The following ATXN2L variants were observed in gnomAD, a reference collection of about 807,000 sequenced individuals.
The protein encoded by ATXN2L is ataxin-2-like protein.
ATXN2L carries 24 observed loss-of-function variants against 120.7 expected under a neutral mutation model. That is an observed-to-expected ratio of 0.20 (90% CI 0.14 to 0.28). The LOEUF is 0.28. Among genes scored for constraint, ATXN2L ranks in the 10% least tolerant of loss-of-function variants. The pLI is 1.00. For missense variants in ATXN2L, 1,312 were observed against 1,432.3 expected, an observed-to-expected ratio of 0.92 and a Z score of 1.36; for synonymous variants, 653 against 568.1, an observed-to-expected ratio of 1.15 and a Z score of -2.13.
intron 21 of ATXN2L, 28 bp downstream of exon 21, chr16:28,835,786 G>A: frequency 1.2e-6 from 2 of 1,613,380 alleles, no homozygotes; most frequent in Non-Finnish European, 1.7e-6. Context: ...CCACTTCTGG[G>A]TCTGTTTGCC....
chr16:28,829,891 T>C lies in ATXN2L; in HGVS notation c.867T>C (p.Phe289=). The change falls in exon 8 of 22, where the codon TTT becomes TTC. Residue 289 remains phenylalanine, a synonymous_variant. Transcript: ENST00000336783. ...VPLEKDNSEE[F]RQRELRAAQL... ...TAGAAAAGGACAACTCAGAAGAGTTTCGTCAGCGAGAGCTGCGTGCGGCCC... is the reference window on the plus strand; with the variant it reads ...TAGAAAAGGACAACTCAGAAGAGTTCCGTCAGCGAGAGCTGCGTGCGGCCC... 15 of 1,614,210 alleles carry C rather than the reference T, an allele frequency of 9.3e-6. No individual in the cohort carries two copies. The highest frequency in any genetic ancestry group is 1.3e-5 in the Non-Finnish European group (15 of 1,180,040).
In ATXN2L at chr16:28,835,415, G is replaced by T. The variant is rs2152116953; in HGVS notation, c.2685+16G>T. 1 of 1,612,184 alleles carries T rather than the reference G, an allele frequency of 6.2e-7. No individual in the cohort carries two copies. Among genetic ancestry groups the T allele is most frequent in the African/African-American group, 1.3e-5 (1 of 75,018 alleles). ...TCCTGTCCAGGTGCCTGCCATGGGG[G>T]GTGCTGAGTGGTCCTGGTGCAGGAA... On this transcript the variant is annotated intron_variant, in intron 20 of 21. Coordinates refer to ENST00000336783, the MANE Select transcript of ATXN2L (RefSeq NM_007245.4).
chr16:28,830,554 C>T (rs1249325341), intron 8 of ATXN2L, 61 bp from the exon 9 acceptor site: 7 of 1,466,400 alleles, frequency 4.8e-6, no homozygotes, highest in Non-Finnish European at 5.5e-6. Flanking sequence ...GAAGAAATGG[C>T]TTCATCTTTC....
Position 28,836,619 on chromosome 16 carries a change from GC to G in ATXN2L, c.*356del, listed in dbSNP as rs751349774. ...ACAGCCCCCGAGACACCTTGAGGAG[GC>G]CGCTCCTTCCCAGACACACCCCCAC... On this transcript the variant is annotated 3_prime_UTR_variant, in exon 22 of 22. Coordinates refer to ENST00000336783, the MANE Select transcript of ATXN2L (RefSeq NM_007245.4). The G allele has an allele frequency of 8.8e-6, 14 of 1,597,456 alleles. No individual in the cohort carries two copies. The highest frequency in any genetic ancestry group is 1.2e-5 in the Non-Finnish European group (14 of 1,174,094).
chr16:28,827,149 C>A (rs1055615170), intron 6 of ATXN2L, among the ~76,000 whole-genome samples, 163 bp downstream of exon 6: 1 of 152,192 alleles, frequency 6.6e-6, no homozygotes, highest in Non-Finnish European at 1.5e-5. Context: ...AATATCTATT[C>A]TTAGCTGGGT....
intron 10 of ATXN2L, among the ~76,000 whole-genome samples, chr16:28,831,861 G>T (rs2054583855): frequency 6.6e-6 from 1 of 152,190 alleles, no homozygotes; most frequent in Non-Finnish European, 1.5e-5. Flanking sequence ...CTCCAGTCTG[G>T]GGAACAGAGC....
intron 6 of ATXN2L, among the ~76,000 whole-genome samples, chr16:28,828,604 A>C (rs2053157286): frequency 6.6e-6 from 1 of 152,068 alleles, no homozygotes; most frequent in Non-Finnish European, 1.5e-5. Flanking sequence ...AAAAAAAAAA[A>C]AATTGCAGTT....
At chr16:28,834,251 G>A (rs2055656219) in intron 16 of ATXN2L, 40 bp downstream of exon 16, 1 of 1,610,516 alleles carries the variant, frequency 6.2e-7, no homozygotes, top group African/African-American at 1.3e-5. Context: ...TTAGCGGGGT[G>A]GGATTTGGTT....
chr16:28,823,520 C>G lies in ATXN2L; in HGVS notation c.261C>G (p.His87Gln), dbSNP rs758457893. ...CGCAGCCGCCGCCGCCGCAGCAACA[C>G]CAGGAGAGGCCGGGGGCAGCCGCCA... ...LAPQPPPPQQ[H>Q]QERPGAAAIG... is the part of the protein sequence containing the mutation. The change falls in exon 1 of 22, where the codon CAC (histidine) becomes CAG (glutamine). Residue 87 changes from histidine (H) to glutamine (Q), a missense_variant. Coordinates refer to ENST00000336783, the MANE Select transcript of ATXN2L (RefSeq NM_007245.4). 9 of 1,391,090 alleles carry G rather than the reference C, an allele frequency of 6.5e-6. No homozygotes were observed. The East Asian group carries it at 9.2e-5, about 14-fold the overall frequency. 86.2% of individuals were successfully genotyped at this position (1,391,090 alleles called of 1,614,324 possible). A position where few individuals can be genotyped will look rare whatever the true frequency, so the allele number is the denominator to read the frequency against.
In ATXN2L at chr16:28,826,459, G is replaced by C. The variant is rs11865959; in HGVS notation, c.616+69G>C. 3.3e-6 allele frequency: 5 copies of C among 1,511,602 alleles called. No individual in the cohort carries two copies. In the African/African-American group the frequency reaches 6.9e-5, roughly 21 times the overall value. The allele number at this position is 1,511,602 out of a possible 1,614,324, so 93.6% of individuals were successfully genotyped here. A position where few individuals can be genotyped will look rare whatever the true frequency, so the allele number is the denominator to read the frequency against. On this transcript the variant is annotated intron_variant, in intron 5 of 21. Transcript: ENST00000336783. ...GAGGACAGAGGGTAGTTTGTGTGCA[G>C]GTGGAACATGGTGATGTGTTTGGTT...
intron 7 of ATXN2L, 179 bp downstream of exon 7, chr16:28,829,671 C>T (rs1003211008): frequency 3.9e-6 from 3 of 771,622 alleles, no homozygotes; most frequent in African/African-American, 3.5e-5. Flanking sequence ...GTCTTAAGTG[C>T]TTCTCACATT....
Position 28,835,683 on chromosome 16 carries a change from C to G in ATXN2L, c.2820C>G (p.Pro940=), listed in dbSNP as rs766430193. ...PSAQSPQSSF[P]QPAAVYAIHH... ...CCCAGTCCCCTCAGAGCAGCTTCCC[C>G]CAGCCAGCCGCTGTGTATGCCATCC... The change falls in exon 21 of 22, where the codon CCC becomes CCG. Residue 940 remains proline (P), a synonymous_variant. Coordinates refer to ENST00000336783, the MANE Select transcript of ATXN2L (RefSeq NM_007245.4). 1.2e-5 allele frequency: 20 copies of G among 1,613,992 alleles called. 1 individual carries two copies. The Admixed American group carries it at 2.0e-4, about 16-fold the overall frequency.
At position 28,823,034 on chromosome 16, in the gene ATXN2L, T is replaced by C. The variant is rs1287024233; in HGVS notation, c.-226T>C. The C allele has an allele frequency of 1.3e-5, 3 of 228,172 alleles. No homozygotes were observed. The highest frequency in any genetic ancestry group is 2.5e-5 in the African/African-American group (1 of 40,684). The allele number at this position is 228,172 out of a possible 1,614,324, so 14.1% of individuals were successfully genotyped here. A position where few individuals can be genotyped will look rare whatever the true frequency, so the allele number is the denominator to read the frequency against. On this transcript the variant is annotated 5_prime_UTR_variant, in exon 1 of 22. Coordinates refer to ENST00000336783, the MANE Select transcript of ATXN2L (RefSeq NM_007245.4). Reference sequence around the variant, plus strand: ...ACGCGCGCCAGCCCGGCTCGCGCCCTCTCGCTTTCCTCCAGCCGCGAGACC... The same window carrying C: ...ACGCGCGCCAGCCCGGCTCGCGCCCCCTCGCTTTCCTCCAGCCGCGAGACC...
rs150545281 is a variant in ATXN2L at position 28,830,688 on chromosome 16, C to T, written c.1108C>T (p.Arg370Trp). 22 of 1,613,690 alleles carry T rather than the reference C, an allele frequency of 1.4e-5. 1 individual carries two copies. The Middle Eastern group carries it at 2.1e-3, about 157-fold the overall frequency. ...GGGAGGAGTTCGATGCAGCAGCTCT[C>T]GGGGCGGTCGGCCTGGCCTTAGCTC... ...PRGGVRCSSS[R>W]GGRPGLSSLP... Residue 370 changes from arginine to tryptophan, a missense_variant, in exon 9 of 22, where the codon CGG (arginine) becomes TGG (tryptophan). By Grantham distance (101) the Arg-to-Trp change is moderately radical. Coordinates refer to ENST00000336783, the MANE Select transcript of ATXN2L (RefSeq NM_007245.4).
intron 6 of ATXN2L, 40 bp downstream of exon 6, chr16:28,827,026 C>T: frequency 7.2e-7 from 1 of 1,395,810 alleles, no homozygotes; most frequent in Non-Finnish European, 9.4e-7. Flanking sequence ...GCTGGACAGA[C>T]AGAATGGGTT....
intron 10 of ATXN2L, among the ~76,000 whole-genome samples, chr16:28,831,713 C>T (rs1324836543): frequency 6.6e-6 from 1 of 151,918 alleles, no homozygotes; most frequent in Non-Finnish European, 1.5e-5. Context: ...ACGGCAAAAC[C>T]CTTCTGCAAA....
intron 6 of ATXN2L, 87 bp from the exon 7 acceptor site, chr16:28,829,314 A>T (rs1446869216): frequency 4.3e-6 from 4 of 925,706 alleles, no homozygotes. Flanking sequence ...ATTTGTTCAC[A>T]TCTTGGAGTT....
intron 1 of ATXN2L, 67 bp from the exon 2 acceptor site, chr16:28,825,299 A>C: frequency 7.0e-7 from 1 of 1,438,390 alleles, no homozygotes. Flanking sequence ...CTAGGATTTA[A>C]CATTAATTTC....
At position 28,826,436 on chromosome 16, in the gene ATXN2L, G is replaced by A. The variant is rs2052001080; in HGVS notation, c.616+46G>A. On this transcript the variant is annotated intron_variant, in intron 5 of 21. Coordinates refer to ENST00000336783, the MANE Select transcript of ATXN2L (RefSeq NM_007245.4). Reference sequence around the variant, plus strand: ...CTCAGACCTGCTCTGTGTGCATAGAGGACAGAGGGTAGTTTGTGTGCAGGT... The same window carrying A: ...CTCAGACCTGCTCTGTGTGCATAGAAGACAGAGGGTAGTTTGTGTGCAGGT... 3.2e-6 allele frequency: 5 copies of A among 1,582,892 alleles called. No individual in the cohort carries two copies. In the Admixed American group the frequency reaches 5.0e-5, roughly 16 times the overall value.
Sources: gnomAD v4.1 joint callset for allele counts (sites outside exome capture counted in the v4.1 genomes callset) on GRCh38, gnomAD v4.1.1 for gene constraint, MANE v1.5 for transcripts, NCBI Gene and HGNC (gene_info 2026-07-23, HGNC 2026-07-21) for gene names.